GPC6: variants seen among roughly 807,000 people sequenced by gnomAD.
GPC6 encodes the protein glypican 6, also known as glypican-6.
Under a neutral mutation model 55.2 loss-of-function variants are expected in GPC6, and 14 were observed. The ratio of observed to expected loss-of-function variants is 0.25; its 90% CI spans 0.17 to 0.40. The LOEUF is 0.40. GPC6 is among the 10% of genes least tolerant of loss of function. The probability of loss-of-function intolerance (pLI) is 1.00; values close to 1 mark genes in which losing one functional copy is unlikely to be tolerated. For synonymous variants in GPC6, 278 were observed against 259.6 expected, an observed-to-expected ratio of 1.07 and a Z score of -0.68; for missense variants, 641 against 708.5, an observed-to-expected ratio of 0.90 and a Z score of 1.08.
At chr13:94,212,558 A>G (rs115634076) in intron 4 of GPC6, among the ~76,000 whole-genome samples, 4 of 152,216 alleles carry the variant, frequency 2.6e-5, no homozygotes, top group Admixed American at 2.6e-4. Flanking sequence ...GGTGTCTAAA[A>G]TTGTTTAAAA....
chr13:93,877,443 T>TA (rs143934309), intron 3 of GPC6, among the ~76,000 whole-genome samples: 16,118 of 152,034 alleles, frequency 0.11, 1,918 homozygotes, highest in African/African-American at 0.27. Context: ...ACATTTTAAT[T>TA]AAAAAATATA....
intron 3 of GPC6, 33 bp downstream of exon 3, chr13:93,830,578 G>A: frequency 1.0e-6 from 1 of 995,414 alleles, no homozygotes. Context: ...TCTCATTGGT[G>A]TTCCTTGTTT....
intron 6 of GPC6, among the ~76,000 whole-genome samples, chr13:94,314,268 T>A (rs1345834244): frequency 6.6e-6 from 1 of 152,196 alleles, no homozygotes; most frequent in Non-Finnish European, 1.5e-5. Flanking sequence ...AAAAAGAATA[T>A]GTAGAAGGCA....
chr13:93,881,341 G>T (rs1351657381), intron 3 of GPC6, among the ~76,000 whole-genome samples: 2 of 152,130 alleles, frequency 1.3e-5, no homozygotes, highest in Non-Finnish European at 2.9e-5. Context: ...TGGTGAAAAA[G>T]ACTTGCAGAC....
intron 1 of GPC6, among the ~76,000 whole-genome samples, chr13:93,382,660 T>C (rs1449366563): frequency 6.6e-6 from 1 of 152,212 alleles, no homozygotes; most frequent in East Asian, 1.9e-4. Flanking sequence ...ACATAAAAGG[T>C]GCTGTGCATT....
intron 3 of GPC6, among the ~76,000 whole-genome samples, chr13:93,859,899 A>G (rs1368231109): frequency 2.6e-5 from 4 of 151,646 alleles, no homozygotes; most frequent in Non-Finnish European, 5.9e-5. Flanking sequence ...AGAATAAACA[A>G]AAGTCCCCTT....
At chr13:94,031,541 T>A (rs777365641) in intron 4 of GPC6, among the ~76,000 whole-genome samples, 2 of 152,028 alleles carry the variant, frequency 1.3e-5, no homozygotes, top group African/African-American at 2.4e-5. Context: ...TTAGAAACTA[T>A]GCAGTGCGGT....
At chr13:94,295,471 C>A (rs1407886565) in intron 5 of GPC6, among the ~76,000 whole-genome samples, 2 of 152,118 alleles carry the variant, frequency 1.3e-5, no homozygotes, top group Non-Finnish European at 2.9e-5. Context: ...AATCCACACC[C>A]CTTCATTAAA....
intron 1 of GPC6, among the ~76,000 whole-genome samples, chr13:93,339,369 T>C (rs1880156409): frequency 7.1e-6 from 1 of 140,914 alleles, no homozygotes; most frequent in African/African-American, 2.7e-5. Context: ...ATAAACACCA[T>C]CATCTATTAA....
intron 4 of GPC6, among the ~76,000 whole-genome samples, chr13:94,109,712 A>G (rs967232133): frequency 1.3e-5 from 2 of 152,194 alleles, no homozygotes; most frequent in Admixed American, 6.6e-5. Context: ...AAAATTCATC[A>G]TAATTCTAAT....
At chr13:93,713,943 A>T (rs1216255856) in intron 2 of GPC6, among the ~76,000 whole-genome samples, 1 of 151,860 alleles carries the variant, frequency 6.6e-6, no homozygotes, top group Non-Finnish European at 1.5e-5. Context: ...CTCAAGATGG[A>T]TTAAATATTT....
intron 2 of GPC6, among the ~76,000 whole-genome samples, chr13:93,636,685 C>T (rs774485541): frequency 2.6e-5 from 4 of 152,046 alleles, no homozygotes; most frequent in Non-Finnish European, 4.4e-5. Flanking sequence ...CATTCTGGGC[C>T]CCCAAAATAA....
In GPC6 at chr13:94,155,708, C is replaced by A. The variant is rs1887907789; in HGVS notation, c.877+127814C>A. Among the ~76,000 whole-genome samples the A allele has an allele frequency of 2.6e-5, 4 of 152,286 alleles. No homozygotes were observed. In the South Asian group the frequency reaches 8.3e-4, roughly 32 times the overall value. Reference sequence around the variant, plus strand: ...TACGCAAATCTGATTAACCATGCCACTTCCCTGCTTTTAACTCTTCAGTGA... The same window carrying A: ...TACGCAAATCTGATTAACCATGCCAATTCCCTGCTTTTAACTCTTCAGTGA... On this transcript the variant is annotated intron_variant, in intron 4 of 8. Transcript: ENST00000377047.
In GPC6 at chr13:93,227,552, GGTCCGCC is replaced by G. The variant is rs1875838806; in HGVS notation, c.97_103del (p.Val33ArgfsTer23). ...ATGTGAAGGCTCGGAGCTGCGGAGA[GGTCCGCC>G]AGGCGTACGGTGCCAAGGGATTCAG... On this transcript the variant is annotated frameshift_variant, in exon 1 of 9. Coordinates refer to ENST00000377047, the MANE Select transcript of GPC6 (RefSeq NM_005708.5). LOFTEE classifies it high-confidence loss of function. This position sits in a 1 kb window ranked among gnomAD's most constrained non-coding sequence, Gnocchi z 4.3. The G allele has an allele frequency of 6.2e-7, 1 of 1,613,210 alleles. No individual in the cohort carries two copies. The highest frequency in any genetic ancestry group is 1.3e-5 in the African/African-American group (1 of 74,920).
chr13:93,451,308 TCCTC>T (rs1387773372), intron 1 of GPC6, among the ~76,000 whole-genome samples: 1 of 152,252 alleles, frequency 6.6e-6, no homozygotes, highest in African/African-American at 2.4e-5. Flanking sequence ...TATGTGTAGT[TCCTC>T]ATCTAGATCT....
intron 1 of GPC6, among the ~76,000 whole-genome samples, chr13:93,303,508 C>T (rs531702570): frequency 6.6e-6 from 1 of 152,132 alleles, no homozygotes; most frequent in South Asian, 2.1e-4. Flanking sequence ...GCGAATAACC[C>T]AACCCATGCC....
intron 4 of GPC6, among the ~76,000 whole-genome samples, chr13:94,092,796 T>C (rs1165884682): frequency 2.0e-5 from 3 of 152,160 alleles, no homozygotes; most frequent in Non-Finnish European, 4.4e-5. Flanking sequence ...ACCTCATCTT[T>C]TGTCTTTCTG....
At chr13:93,889,407 A>G (rs1875532924) in intron 3 of GPC6, among the ~76,000 whole-genome samples, 1 of 152,134 alleles carries the variant, frequency 6.6e-6, no homozygotes, top group African/African-American at 2.4e-5. Context: ...ATGTGGTTGG[A>G]AACACGTTTA....
intron 4 of GPC6, among the ~76,000 whole-genome samples, chr13:94,266,171 T>C (rs1387833626): frequency 2.0e-5 from 3 of 151,706 alleles, no homozygotes; most frequent in African/African-American, 7.3e-5. Context: ...TTTGTTTGTT[T>C]GTTTGTTTGT....
Sources: allele counts gnomAD v4.1 joint callset (sites outside exome capture counted in the v4.1 genomes callset), GRCh38; gene constraint gnomAD v4.1.1; non-coding constraint Gnocchi (gnomAD v3.1); transcripts MANE v1.5; gene names NCBI Gene and HGNC (gene_info 2026-07-23, HGNC 2026-07-21).